CDH13: variants seen among roughly 807,000 people sequenced by gnomAD.
The protein encoded by CDH13 is cadherin 13.
CDH13 carries 24 observed loss-of-function variants against 63.8 expected under a neutral mutation model. That is an observed-to-expected ratio of 0.38 (90% CI 0.27 to 0.53). The LOEUF (loss-of-function observed/expected upper bound fraction) is 0.53, where lower values mean the gene tolerates loss of function less well. CDH13 is among the 20% of genes least tolerant of loss of function. The pLI, the probability that CDH13 is intolerant of heterozygous loss-of-function variation, is 0.85. For missense variants in CDH13, 1,049 were observed against 903.1 expected, an observed-to-expected ratio of 1.16 and a Z score of -2.07; for synonymous variants, 503 against 355.3, an observed-to-expected ratio of 1.42 and a Z score of -4.67.
chr16:83,022,696 G>A (rs575348218), intron 2 of CDH13, among the ~76,000 whole-genome samples: 81 of 152,248 alleles, frequency 5.3e-4, no homozygotes, highest in African/African-American at 1.9e-3. Context: ...TGATTCATAT[G>A]CATCCTTGCA....
At chr16:82,789,668 G>C (rs946594817) in intron 1 of CDH13, among the ~76,000 whole-genome samples, 1 of 152,164 alleles carries the variant, frequency 6.6e-6, no homozygotes, top group Non-Finnish European at 1.5e-5. Flanking sequence ...TTTTAATCAA[G>C]GGAGTGTCAA....
intron 2 of CDH13, among the ~76,000 whole-genome samples, chr16:82,911,701 T>A (rs941849074): frequency 5.9e-5 from 9 of 152,144 alleles, no homozygotes; most frequent in Non-Finnish European, 1.3e-4. Flanking sequence ...ACATGGGTGT[T>A]CAGAAGTATG....
chr16:82,967,363 G>T (rs1358946349), intron 2 of CDH13, among the ~76,000 whole-genome samples: 1 of 152,022 alleles, frequency 6.6e-6, no homozygotes, highest in African/African-American at 2.4e-5. Context: ...ATTCTATAAT[G>T]ATTTTTTTAA....
chr16:83,565,435 A>T (rs190186641), intron 7 of CDH13, among the ~76,000 whole-genome samples: 1 of 136,262 alleles, frequency 7.3e-6, no homozygotes, highest in Non-Finnish European at 1.5e-5. Context: ...CTGATTACCG[A>T]GTCTCTTCTT....
At chr16:83,466,964 C>G (rs1050950223) in intron 6 of CDH13, among the ~76,000 whole-genome samples, 9 of 152,158 alleles carry the variant, frequency 5.9e-5, no homozygotes, top group Admixed American at 2.6e-4. Flanking sequence ...CGACTAACTT[C>G]TCTCCTCCTG....
chr16:83,758,761 A>G (rs937887315), intron 11 of CDH13, among the ~76,000 whole-genome samples: 3 of 152,240 alleles, frequency 2.0e-5, no homozygotes, highest in African/African-American at 7.2e-5. Flanking sequence ...ATAAAATTCT[A>G]AAAGATACTG....
At chr16:83,594,644 T>C (rs1907086001) in intron 7 of CDH13, among the ~76,000 whole-genome samples, 1 of 152,180 alleles carries the variant, frequency 6.6e-6, no homozygotes, top group African/African-American at 2.4e-5. Context: ...TAGAGTGCAG[T>C]TCAAGACCAG....
chr16:83,289,027 G>A (rs2089399164), intron 5 of CDH13, among the ~76,000 whole-genome samples: 1 of 152,178 alleles, frequency 6.6e-6, no homozygotes, highest in African/African-American at 2.4e-5. Flanking sequence ...CCACCTTTTT[G>A]AAATAGAAAA....
intron 4 of CDH13, among the ~76,000 whole-genome samples, chr16:83,210,544 C>T (rs576161308): frequency 5.3e-5 from 8 of 152,056 alleles, no homozygotes; most frequent in African/African-American, 1.9e-4. Context: ...TATTTAAAAG[C>T]CCACCACGTA....
chr16:83,150,217 T>C (rs1394703894), intron 4 of CDH13, among the ~76,000 whole-genome samples: 1 of 152,174 alleles, frequency 6.6e-6, no homozygotes, highest in African/African-American at 2.4e-5. Context: ...CCAATCTCCA[T>C]CCACCAATGA....
chr16:83,613,043 TG>T (rs1164818905), intron 8 of CDH13, among the ~76,000 whole-genome samples: 1 of 152,206 alleles, frequency 6.6e-6, no homozygotes, highest in African/African-American at 2.4e-5. Flanking sequence ...CCAGAATTTT[TG>T]AAGAATATTT....
chr16:83,232,423 G>C (rs1483945951), intron 5 of CDH13, among the ~76,000 whole-genome samples: 1 of 151,788 alleles, frequency 6.6e-6, no homozygotes, highest in Non-Finnish European at 1.5e-5. Context: ...TACTAGGGAG[G>C]CTGAGGCAGG....
intron 7 of CDH13, among the ~76,000 whole-genome samples, chr16:83,544,393 A>G (rs2075346457): frequency 6.6e-6 from 1 of 152,096 alleles, no homozygotes; most frequent in Admixed American, 6.6e-5. Context: ...ATGACCCGAT[A>G]AACCCATCGT....
intron 1 of CDH13, among the ~76,000 whole-genome samples, chr16:82,697,367 G>T (rs2150985249): frequency 6.8e-6 from 1 of 147,008 alleles, no homozygotes; most frequent in South Asian, 2.3e-4. Context: ...TCTCACCCCA[G>T]ACTATCCTCC....
At chr16:83,284,300 G>A (rs2089255964) in intron 5 of CDH13, among the ~76,000 whole-genome samples, 1 of 152,134 alleles carries the variant, frequency 6.6e-6, no homozygotes, top group Admixed American at 6.5e-5. Context: ...GTACTAGATG[G>A]CGCTGGACTT....
intron 1 of CDH13, 24 bp downstream of exon 1, chr16:82,627,161 G>C (rs988591618): frequency 6.3e-7 from 1 of 1,591,006 alleles, no homozygotes; most frequent in Admixed American, 1.7e-5. Context: ...GCTGCCGGGC[G>C]CGCTCTGCGC....
chr16:83,294,725 T>C (rs141233932), intron 5 of CDH13, among the ~76,000 whole-genome samples: 215 of 151,884 alleles, frequency 1.4e-3, no homozygotes, highest in African/African-American at 5.0e-3. Context: ...ATAAAAGAAA[T>C]TGAAGAAAAC....
chr16:83,523,432 T>A (rs1256008560), intron 7 of CDH13, among the ~76,000 whole-genome samples: 1 of 152,202 alleles, frequency 6.6e-6, no homozygotes, highest in Non-Finnish European at 1.5e-5. Context: ...CCCAAGGCTC[T>A]GTCTTGTCAT....
intron 9 of CDH13, among the ~76,000 whole-genome samples, 189 bp downstream of exon 9, chr16:83,671,161 C>G (rs1598446317): frequency 6.6e-6 from 1 of 152,280 alleles, no homozygotes; most frequent in South Asian, 2.1e-4. Flanking sequence ...AAACAAGCAG[C>G]CATAAAACAA....
Sources: allele counts gnomAD v4.1 joint callset (sites outside exome capture counted in the v4.1 genomes callset), GRCh38; gene constraint gnomAD v4.1.1; transcripts MANE v1.5; gene names NCBI Gene and HGNC (gene_info 2026-07-23, HGNC 2026-07-21).